Variants in SCRG1 observed in about 807,000 individuals in gnomAD.
SCRG1 encodes stimulator of chondrogenesis 1.
In SCRG1, 3 loss-of-function variants were observed where a neutral mutation model predicts 7.7. The ratio of observed to expected loss-of-function variants is 0.39; its 90% CI spans 0.18 to 1.01. The LOEUF is 1.01. SCRG1 is among the 50% of genes least tolerant of loss of function. SCRG1 has a pLI of 0.36. For synonymous variants in SCRG1, 46 were observed against 41.2 expected, an observed-to-expected ratio of 1.12 and a Z score of -0.44; for missense variants, 110 against 117.2, an observed-to-expected ratio of 0.94 and a Z score of 0.28.
the SCRG1 span, among the ~76,000 whole-genome samples, chr4:173,435,027 T>G: frequency 6.6e-6 from 1 of 152,072 alleles, no homozygotes; most frequent in African/African-American, 2.4e-5. Context: ...AAAAACCACC[T>G]TATGCGATCA....
upstream of SCRG1, among the ~76,000 whole-genome samples, chr4:173,409,349 C>G (rs1739990066): frequency 1.3e-5 from 2 of 152,158 alleles, no homozygotes; most frequent in Admixed American, 6.5e-5. Flanking sequence ...ACCTGTGTGA[C>G]AGAGGGCCCT....
chr4:173,415,145 T>C, the SCRG1 span, among the ~76,000 whole-genome samples: 1 of 152,200 alleles, frequency 6.6e-6, no homozygotes, highest in East Asian at 1.9e-4. Flanking sequence ...ATGACTAGTG[T>C]GAATAGTCTC....
At chr4:173,454,076 T>TAA in the SCRG1 span, among the ~76,000 whole-genome samples, 487 of 131,322 alleles carry the variant, frequency 3.7e-3, 3 homozygotes, top group East Asian at 0.025. Context: ...AGACTCCGTC[T>TAA]AAAAAAAAAA....
the SCRG1 span, among the ~76,000 whole-genome samples, chr4:173,484,730 T>C: frequency 4.7e-4 from 39 of 83,766 alleles, no homozygotes; most frequent in Non-Finnish European, 6.6e-4. Context: ...ATTATATGCA[T>C]ATAATACATA....
At chr4:173,491,361 A>G in the SCRG1 span, among the ~76,000 whole-genome samples, 2 of 152,080 alleles carry the variant, frequency 1.3e-5, no homozygotes, top group South Asian at 4.2e-4. Flanking sequence ...AGGGACTAAA[A>G]ACCAAGGGCA....
the SCRG1 span, among the ~76,000 whole-genome samples, chr4:173,500,004 G>A: frequency 6.6e-6 from 1 of 152,310 alleles, no homozygotes; most frequent in African/African-American, 2.4e-5. Flanking sequence ...GACGTAACGG[G>A]TGGACCTGGC....
At chr4:173,474,407 G>A in the SCRG1 span, among the ~76,000 whole-genome samples, 1 of 152,162 alleles carries the variant, frequency 6.6e-6, no homozygotes. Flanking sequence ...CAGATTTGTG[G>A]ATGGGGAGAC....
the SCRG1 span, among the ~76,000 whole-genome samples, chr4:173,462,360 AC>A: frequency 0.41 from 61,631 of 152,014 alleles, 14,914 homozygotes; most frequent in East Asian, 0.57. Context: ...CTGGCAGCAG[AC>A]TTTTCAGTGG....
the SCRG1 span, chr4:173,446,794 T>C: frequency 6.6e-6 from 1 of 152,224 alleles, no homozygotes; most frequent in Non-Finnish European, 1.5e-5. Context: ...AGTTGTTAGA[T>C]GGATAAGAAC....
the SCRG1 span, among the ~76,000 whole-genome samples, chr4:173,433,975 G>T: frequency 1.3e-5 from 2 of 152,138 alleles, no homozygotes; most frequent in East Asian, 3.9e-4. Context: ...TGTTATCTTA[G>T]TGCCTCTTTG....
chr4:173,465,642 A>T, the SCRG1 span, among the ~76,000 whole-genome samples: 4 of 150,986 alleles, frequency 2.6e-5, no homozygotes, highest in Admixed American at 2.0e-4. Context: ...ACATATATAT[A>T]TTTTTTGTAT....
upstream of SCRG1, among the ~76,000 whole-genome samples, chr4:173,407,790 T>C (rs1379562341): frequency 6.6e-6 from 1 of 152,220 alleles, no homozygotes; most frequent in Admixed American, 6.5e-5. Flanking sequence ...TTTTATGGAA[T>C]AAGATAACTT....
At chr4:173,446,809 GTAA>G in the SCRG1 span, 1 of 152,156 alleles carries the variant, frequency 6.6e-6, no homozygotes, top group African/African-American at 2.4e-5. Context: ...AAGAACTTTT[GTAA>G]TTATTTGTGT....
chr4:173,516,961 A>T, the SCRG1 span, among the ~76,000 whole-genome samples: 1 of 152,236 alleles, frequency 6.6e-6, no homozygotes, highest in African/African-American at 2.4e-5. Flanking sequence ...AAACTAAAAA[A>T]GTGGAGAGAA....
At chr4:173,483,967 T>C in the SCRG1 span, among the ~76,000 whole-genome samples, 1 of 86,286 alleles carries the variant, frequency 1.2e-5, no homozygotes, top group Admixed American at 2.1e-4. Context: ...ATTATATATT[T>C]TATATAATAT....
At chr4:173,425,857 T>TA in the SCRG1 span, among the ~76,000 whole-genome samples, 1 of 152,216 alleles carries the variant, frequency 6.6e-6, no homozygotes, top group East Asian at 1.9e-4. Context: ...ATGATAGTAA[T>TA]AGGCAATATT....
chr4:173,485,527 G>A, the SCRG1 span, among the ~76,000 whole-genome samples: 4 of 151,988 alleles, frequency 2.6e-5, no homozygotes, highest in East Asian at 5.8e-4. Context: ...ACAAATTGCA[G>A]AATTACGAGC....
the SCRG1 span, among the ~76,000 whole-genome samples, chr4:173,414,660 C>A: frequency 6.6e-6 from 1 of 152,198 alleles, no homozygotes; most frequent in African/African-American, 2.4e-5. Context: ...TCTACAAGAG[C>A]AGAACTAGAA....
the SCRG1 span, among the ~76,000 whole-genome samples, chr4:173,417,721 C>T: frequency 1.3e-5 from 2 of 152,098 alleles, no homozygotes; most frequent in East Asian, 3.9e-4. Flanking sequence ...GCCTTGAACT[C>T]CTGGGCTCAA....
Sources: allele counts gnomAD v4.1 joint callset (sites outside exome capture counted in the v4.1 genomes callset), GRCh38; gene constraint gnomAD v4.1.1; transcripts MANE v1.5; gene names NCBI Gene and HGNC (gene_info 2026-07-23, HGNC 2026-07-21).